ERC2: variants seen among roughly 807,000 people sequenced by gnomAD.
ERC2 encodes the protein ELKS/RAB6-interacting/CAST family member 2, also known as ERC protein 2.
In ERC2, 42 loss-of-function variants were observed where a neutral mutation model predicts 114.8. The observed-to-expected ratio is 0.37, with a 90% CI of 0.29 to 0.47. The LOEUF (loss-of-function observed/expected upper bound fraction) is 0.47, where lower values mean the gene tolerates loss of function less well. Ranked by LOEUF, ERC2 falls within the 20% of genes least tolerant of loss-of-function variation. The probability of loss-of-function intolerance (pLI) is 0.99; values close to 1 mark genes in which losing one functional copy is unlikely to be tolerated. For missense variants in ERC2, 939 were observed against 1,150.7 expected, an observed-to-expected ratio of 0.82 and a Z score of 2.66; for synonymous variants, 454 against 425.5, an observed-to-expected ratio of 1.07 and a Z score of -0.82.
chr3:56,079,154 A>G (rs1323047459), intron 7 of ERC2, among the ~76,000 whole-genome samples: 1 of 152,172 alleles, frequency 6.6e-6, no homozygotes, highest in African/African-American at 2.4e-5. Flanking sequence ...CATTAAAAAA[A>G]GTAAAAAGAA....
chr3:55,912,135 T>C (rs1292187960), intron 13 of ERC2, among the ~76,000 whole-genome samples: 3 of 152,146 alleles, frequency 2.0e-5, no homozygotes, highest in Non-Finnish European at 4.4e-5. Flanking sequence ...GGTATAAATA[T>C]TGGCTTAAAC....
At chr3:56,213,156 C>T (rs761231286) in intron 3 of ERC2, among the ~76,000 whole-genome samples, 14 of 152,088 alleles carry the variant, frequency 9.2e-5, no homozygotes, top group East Asian at 1.9e-4. Context: ...TGGGGATCTT[C>T]GGAAAGTGGG....
chr3:55,863,464 C>A (rs750769417), intron 14 of ERC2, among the ~76,000 whole-genome samples: 22 of 152,070 alleles, frequency 1.4e-4, no homozygotes, highest in Non-Finnish European at 3.2e-4. Flanking sequence ...TTCCCTAATG[C>A]AATTTTCAAA....
At chr3:56,258,727 G>A (rs1157978152) in intron 3 of ERC2, among the ~76,000 whole-genome samples, 1 of 152,152 alleles carries the variant, frequency 6.6e-6, no homozygotes, top group African/African-American at 2.4e-5. Context: ...TTGGCCCATG[G>A]GCTGTAGTTT....
chr3:56,147,771 A>G (rs1251870037), intron 5 of ERC2, among the ~76,000 whole-genome samples: 1 of 152,188 alleles, frequency 6.6e-6, no homozygotes, highest in Non-Finnish European at 1.5e-5. Flanking sequence ...TGTACTTATT[A>G]TTTTCAGAAG....
At chr3:56,436,688 TG>T (rs1242996421) in intron 1 of ERC2, among the ~76,000 whole-genome samples, 1 of 152,162 alleles carries the variant, frequency 6.6e-6, no homozygotes, top group East Asian at 1.9e-4. Context: ...AGTTTAGTGA[TG>T]GGCATGTGAC....
intron 17 of ERC2, among the ~76,000 whole-genome samples, chr3:55,558,510 C>T (rs756243473): frequency 2.6e-5 from 4 of 152,212 alleles, no homozygotes; most frequent in Non-Finnish European, 4.4e-5. Flanking sequence ...TCCTCTTTAG[C>T]AATTCATTTC....
chr3:56,435,358 C>G (rs1316304212), intron 1 of ERC2, among the ~76,000 whole-genome samples: 1 of 151,926 alleles, frequency 6.6e-6, no homozygotes, highest in Admixed American at 6.6e-5. Flanking sequence ...TTACAAATTC[C>G]CCCCACCCTG....
intron 6 of ERC2, among the ~76,000 whole-genome samples, chr3:56,096,883 C>A (rs767108750): frequency 1.3e-5 from 2 of 152,178 alleles, no homozygotes; most frequent in Non-Finnish European, 2.9e-5. Context: ...ATAGTTTTAA[C>A]AAATTTGCTC....
intron 13 of ERC2, among the ~76,000 whole-genome samples, chr3:55,893,774 T>C (rs2063719672): frequency 1.3e-5 from 2 of 152,222 alleles, no homozygotes; most frequent in African/African-American, 2.4e-5. Flanking sequence ...TCATTACTTT[T>C]GACACCCCTC....
chr3:55,787,618 T>C (rs1160719910), intron 14 of ERC2, among the ~76,000 whole-genome samples: 1 of 152,146 alleles, frequency 6.6e-6, no homozygotes, highest in Non-Finnish European at 1.5e-5. Context: ...TAACACTCCA[T>C]TTTATTTTAT....
At chr3:55,956,282 G>T (rs2067946761) in intron 12 of ERC2, among the ~76,000 whole-genome samples, 1 of 152,184 alleles carries the variant, frequency 6.6e-6, no homozygotes. Context: ...CCTAATGGAA[G>T]CATTGCAGGA....
intron 17 of ERC2, among the ~76,000 whole-genome samples, chr3:55,640,190 T>C (rs183815620): frequency 7.2e-5 from 11 of 152,344 alleles, no homozygotes; most frequent in Admixed American, 7.2e-4. Context: ...GGTAACTAAC[T>C]TGGACTTCCT....
intron 5 of ERC2, among the ~76,000 whole-genome samples, chr3:56,147,604 T>A (rs560104500): frequency 6.6e-6 from 1 of 152,316 alleles, no homozygotes; most frequent in African/African-American, 2.4e-5. Flanking sequence ...CACATTTTTC[T>A]CTCCTCTCCC....
chr3:56,052,350 C>T (rs767594431), intron 7 of ERC2, among the ~76,000 whole-genome samples: 17 of 152,204 alleles, frequency 1.1e-4, no homozygotes, highest in Non-Finnish European at 1.8e-4. Flanking sequence ...GCCAGTATTA[C>T]GGGAAAAGGC....
intron 2 of ERC2, among the ~76,000 whole-genome samples, chr3:56,342,429 A>G (rs1230773361): frequency 6.6e-6 from 1 of 152,234 alleles, no homozygotes; most frequent in African/African-American, 2.4e-5. Flanking sequence ...GTAGGAAATT[A>G]CCATTCATCA....
intron 3 of ERC2, among the ~76,000 whole-genome samples, chr3:56,276,700 G>C (rs763168694): frequency 2.6e-5 from 4 of 152,156 alleles, no homozygotes; most frequent in Non-Finnish European, 5.9e-5. Context: ...GGAGGAGGAG[G>C]ATTTGAGAAA....
At position 56,371,234 on chromosome 3, in the gene ERC2, C is replaced by A. The variant is rs374413845; in HGVS notation, c.657+63117G>T. 3.0e-4 allele frequency among the ~76,000 whole-genome samples: 46 copies of A among 152,302 alleles called. No individual in the cohort carries two copies. In the South Asian group the frequency reaches 6.2e-3, roughly 21 times the overall value. ...CACTGTCTCAAAACCTCTGCAGCAA[C>A]CAGCAGCAAGAGCCAGGATTTAGTC... On this transcript the variant is annotated intron_variant, in intron 2 of 17. Transcript: ENST00000288221.
At chr3:55,813,917 T>G (rs916650941) in intron 14 of ERC2, among the ~76,000 whole-genome samples, 1 of 152,204 alleles carries the variant, frequency 6.6e-6, no homozygotes, top group African/African-American at 2.4e-5. Context: ...TTTCAACTTC[T>G]TCTCATGTAA....
Sources: gnomAD v4.1 joint callset for allele counts (sites outside exome capture counted in the v4.1 genomes callset) on GRCh38, gnomAD v4.1.1 for gene constraint, MANE v1.5 for transcripts, NCBI Gene and HGNC (gene_info 2026-07-23, HGNC 2026-07-21) for gene names.